The following ADGRL1 variants were observed in gnomAD, a reference collection of about 807,000 sequenced individuals.
ADGRL1 encodes adhesion G protein-coupled receptor L1, also known as CIRL-1.
Under a neutral mutation model 148.9 loss-of-function variants are expected in ADGRL1, and 31 were observed. The ratio of observed to expected loss-of-function variants is 0.21; its 90% confidence interval spans 0.16 to 0.28. ADGRL1 has a LOEUF of 0.28. Among genes scored for constraint, ADGRL1 ranks in the 10% least tolerant of loss-of-function variants. The probability of loss-of-function intolerance (pLI) is 1.00; values close to 1 mark genes in which losing one functional copy is unlikely to be tolerated. For missense variants in ADGRL1, 1,521 were observed against 2,058.8 expected (o/e 0.74, Z 5.05); for synonymous variants, 937 against 900.3 (o/e 1.04, Z -0.73).
Position 14,152,976 on chromosome 19 carries a change from A to G in ADGRL1, c.3295-64T>C. ...CCTCCTCTGTGATCCAGTCTCCCAC[A>G]GGGCTGGTCACAAGACAGGCAGCCT... On this transcript the variant is annotated intron_variant, in intron 18 of 22. Transcript: ENST00000361434. The surrounding 1 kb of genome is among the most constrained non-coding windows in gnomAD (Gnocchi z 6.1). 1 of 1,582,978 alleles carries G rather than the reference A, an allele frequency of 6.3e-7. No individual in the cohort carries two copies. The highest frequency in any genetic ancestry group is 8.6e-7 in the Non-Finnish European group (1 of 1,162,650).
intron 2 of ADGRL1, 23 bp from the exon 3 acceptor site, chr19:14,177,767 T>C: frequency 1.3e-6 from 2 of 1,597,794 alleles, no homozygotes; most frequent in Non-Finnish European, 1.7e-6. Context: ...TTGGGGATGG[T>C]GTCACTCCTG....
chr19:14,188,645 C>T (rs1376230742), intron 1 of ADGRL1, among the ~76,000 whole-genome samples: 1 of 152,152 alleles, frequency 6.6e-6, no homozygotes, highest in Non-Finnish European at 1.5e-5. Context: ...CCAGAACACC[C>T]CAGTGTTGGT....
chr19:14,179,352 G>A (rs986143393), intron 2 of ADGRL1, among the ~76,000 whole-genome samples: 7 of 152,030 alleles, frequency 4.6e-5, no homozygotes, highest in Non-Finnish European at 7.4e-5. Flanking sequence ...AAATTAGCTG[G>A]GCATGGTGGC....
At chr19:14,173,121 T>C (rs1970592729) in intron 3 of ADGRL1, among the ~76,000 whole-genome samples, 1 of 152,130 alleles carries the variant, frequency 6.6e-6, no homozygotes, top group South Asian at 2.1e-4. Context: ...CACCATGCCC[T>C]GCTAATTTTT....
chr19:14,155,351 G>T lies in ADGRL1; in HGVS notation c.3294+8C>A. 1 of 1,612,976 alleles carries T rather than the reference G, an allele frequency of 6.2e-7. No individual in the cohort carries two copies. Among genetic ancestry groups the T allele is most frequent in the South Asian group, 1.1e-5 (1 of 90,906 alleles). ...AGGCTGTGACCCAGGACCCCGCCTC[G>T]ACCTCACCTTCTTCTGTAAGGCGCA... On this transcript the variant is annotated splice_region_variant and intron_variant, in intron 18 of 22. Coordinates refer to ENST00000361434, the MANE Select transcript of ADGRL1 (RefSeq NM_014921.5). The surrounding 1 kb of genome is among the most constrained non-coding windows in gnomAD (Gnocchi z 5.0).
In ADGRL1 at chr19:14,173,584, C is replaced by G. The variant is rs139923420; in HGVS notation, c.285-2793G>C. On this transcript the variant is annotated intron_variant, in intron 3 of 22. Coordinates refer to ENST00000361434, the MANE Select transcript of ADGRL1 (RefSeq NM_014921.5). ...ACAAGTGTTTAAGCAAATCGTTGTA[C>G]ACGCACGTTCACAGCTGCATTATTC... Among the ~76,000 whole-genome samples, 448 of 152,222 alleles carry G rather than the reference C, an allele frequency of 2.9e-3. 3 individuals are homozygous for G. The highest frequency in any genetic ancestry group is 9.7e-3 in the African/African-American group (404 of 41,530).
Position 14,158,361 on chromosome 19 carries a change from T to C in ADGRL1, c.2341A>G (p.Ile781Val), listed in dbSNP as rs1451644404. ...SSRVFLMDPV[I>V]FTVAHLEDKN... ...ACCTCCAGGTGGGCCACGGTGAAGA[T>C]GACAGGGTCCATGAGGAAGACGCGG... The change falls in exon 12 of 23, where the codon ATC becomes GTC. Residue 781 changes from isoleucine (I) to valine (V), a missense_variant. Coordinates refer to ENST00000361434, the MANE Select transcript of ADGRL1 (RefSeq NM_014921.5). The C allele has an allele frequency of 6.2e-7, 1 of 1,613,724 alleles. No homozygotes were observed. Among genetic ancestry groups the C allele is most frequent in the Non-Finnish European group, 8.5e-7 (1 of 1,180,016 alleles).
intron 1 of ADGRL1, among the ~76,000 whole-genome samples, chr19:14,204,688 G>C (rs1329911119): frequency 2.7e-5 from 4 of 148,868 alleles, no homozygotes; most frequent in Non-Finnish European, 5.9e-5. Context: ...GAAAGACAGA[G>C]AGAGATAGAG....
intron 4 of ADGRL1, among the ~76,000 whole-genome samples, chr19:14,168,034 TCAC>T (rs1196590171): frequency 6.6e-6 from 1 of 152,038 alleles, no homozygotes; most frequent in Non-Finnish European, 1.5e-5. Flanking sequence ...TTCCCACACA[TCAC>T]GTGCCCCCTG....
chr19:14,180,200 G>A (rs1487169050), intron 2 of ADGRL1, among the ~76,000 whole-genome samples: 1 of 152,054 alleles, frequency 6.6e-6, no homozygotes, highest in African/African-American at 2.4e-5. Flanking sequence ...GGGAGTAACT[G>A]GAAACTCCAT....
At chr19:14,169,066 C>T (rs1340441455) in intron 4 of ADGRL1, 1 of 152,302 alleles carries the variant, frequency 6.6e-6, no homozygotes, top group Non-Finnish European at 1.5e-5. Context: ...CCTCTCCACC[C>T]CATCACAGAT....
intron 1 of ADGRL1, among the ~76,000 whole-genome samples, chr19:14,187,692 A>G (rs1321277828): frequency 3.3e-5 from 5 of 150,200 alleles, no homozygotes; most frequent in Admixed American, 6.7e-5. Context: ...CCCTATCCGC[A>G]TCTCCCCCAC....
Position 14,158,462 on chromosome 19 carries a change from C to T in ADGRL1, c.2240G>A (p.Gly747Asp), listed in dbSNP as rs754428675. The change falls in exon 12 of 23, where the codon GGC becomes GAC. Residue 747 changes from glycine (G) to aspartate (D), a missense_variant. By Grantham distance (94) the Gly-to-Asp change is moderately conservative. Transcript: ENST00000361434. ...NATVKLAGEA[G>D]PGGPGGASLV... is the part of the protein sequence containing the mutation. ...AGAGGCGCCCCCAGGGCCACCCGGG[C>T]CTGCTTCGCCGGCCAGCTTCACTGT... The T allele has an allele frequency of 6.2e-7, 1 of 1,613,922 alleles. No homozygotes were observed. The highest frequency in any genetic ancestry group is 8.5e-7 in the Non-Finnish European group (1 of 1,180,026).
At chr19:14,151,984 G>C in intron 22 of ADGRL1, 149 bp downstream of exon 22, 1 of 757,202 alleles carries the variant, frequency 1.3e-6, no homozygotes, top group Non-Finnish European at 2.3e-6. Flanking sequence ...TCCTCCATTC[G>C]GCTGCCAGAG....
At chr19:14,171,425 A>G (rs1025500283) in intron 3 of ADGRL1, among the ~76,000 whole-genome samples, 17 of 152,122 alleles carry the variant, frequency 1.1e-4, no homozygotes, top group African/African-American at 2.9e-4. Flanking sequence ...CAGGGCTAAG[A>G]AGGAGGAGTC....
intron 3 of ADGRL1, among the ~76,000 whole-genome samples, chr19:14,176,000 G>A (rs1378792931): frequency 6.6e-6 from 1 of 151,586 alleles, no homozygotes; most frequent in Admixed American, 6.6e-5. Flanking sequence ...GTTGCAATGA[G>A]CTGAGATCAC....
intron 2 of ADGRL1, among the ~76,000 whole-genome samples, chr19:14,181,556 T>G (rs965380626): frequency 6.6e-6 from 1 of 151,960 alleles, no homozygotes; most frequent in Non-Finnish European, 1.5e-5. Flanking sequence ...CTGTCTCTAC[T>G]AAAAATACAA....
chr19:14,178,237 GCA>G (rs922340211), intron 2 of ADGRL1, among the ~76,000 whole-genome samples: 26 of 152,262 alleles, frequency 1.7e-4, no homozygotes, highest in African/African-American at 6.0e-4. Context: ...AGGCACAGAG[GCA>G]CACACTTGTA....
intron 1 of ADGRL1, among the ~76,000 whole-genome samples, chr19:14,202,659 T>C (rs1972691869): frequency 6.6e-6 from 1 of 151,864 alleles, no homozygotes; most frequent in South Asian, 2.1e-4. Context: ...TGGTGCTGGG[T>C]GGGGAGGCAA....
Sources: allele counts gnomAD v4.1 joint callset (sites outside exome capture counted in the v4.1 genomes callset), GRCh38; gene constraint gnomAD v4.1.1; non-coding constraint Gnocchi (gnomAD v3.1); transcripts MANE v1.5; gene names NCBI Gene and HGNC (gene_info 2026-07-23, HGNC 2026-07-21).